VIT: variants seen among roughly 807,000 people sequenced by gnomAD.
VIT encodes vitrin.
A neutral mutation model predicts 78.0 loss-of-function variants in VIT; 99 were observed. The observed-to-expected ratio is 1.27, with a 90% CI of 1.08 to 1.50. The LOEUF (loss-of-function observed/expected upper bound fraction) is 1.50, where lower values mean the gene tolerates loss of function less well. VIT is among the 40% of genes most tolerant of loss of function. The probability of loss-of-function intolerance (pLI) is 0.00; values close to 1 mark genes in which losing one functional copy is unlikely to be tolerated. For synonymous variants in VIT, 374 were observed against 334.3 expected, an observed-to-expected ratio of 1.12 and a Z score of -1.29; for missense variants, 1,126 against 875.3, an observed-to-expected ratio of 1.29 and a Z score of -3.61.
chr2:36,758,238 A>G (rs560876461), intron 5 of VIT, among the ~76,000 whole-genome samples: 12 of 152,346 alleles, frequency 7.9e-5, no homozygotes, highest in Non-Finnish European at 1.6e-4. Context: ...AATTGCTTTG[A>G]GCTCTGAAAA....
At chr2:36,771,525 C>CAAAAAA (rs1228263784) in intron 7 of VIT, among the ~76,000 whole-genome samples, 7 of 65,842 alleles carry the variant, frequency 1.1e-4, no homozygotes, top group African/African-American at 3.4e-4. Flanking sequence ...GACTTCATCT[C>CAAAAAA]AAAAAAAAAA....
At position 36,767,237 on chromosome 2, in the gene VIT, A is replaced by T. The variant is rs1179027455; in HGVS notation, c.631A>T (p.Thr211Ser). ...GCCATCCCCTTCTGCTGCTTCTACCACCAGCATCCCCAGACCACAATCAGT... is the reference window on the plus strand; with the variant it reads ...GCCATCCCCTTCTGCTGCTTCTACCTCCAGCATCCCCAGACCACAATCAGT... The part of the protein sequence containing the change: ...PRPSPSAAST[T>S]SIPRPQSVGH... The change falls in exon 7 of 16, where the codon ACC becomes TCC. Residue 211 changes from threonine (T) to serine (S), a missense_variant. Coordinates refer to ENST00000379242, the MANE Select transcript of VIT (RefSeq NM_053276.4). 1.9e-6 allele frequency: 3 copies of T among 1,599,734 alleles called. No homozygotes were observed. The South Asian group carries it at 3.4e-5, about 18-fold the overall frequency.
intron 4 of VIT, among the ~76,000 whole-genome samples, chr2:36,751,535 C>T (rs1319155491): frequency 6.6e-6 from 1 of 152,158 alleles, no homozygotes; most frequent in Non-Finnish European, 1.5e-5. Context: ...AAAGTGAGGA[C>T]TCAAGCAAGG....
At chr2:36,740,401 A>T (rs1332881185) in intron 3 of VIT, among the ~76,000 whole-genome samples, 1 of 152,258 alleles carries the variant, frequency 6.6e-6, no homozygotes, top group Admixed American at 6.5e-5. Context: ...TGCCAGAAAG[A>T]TGCAAATGCC....
chr2:36,723,953 A>G (rs1370604256), intron 2 of VIT, among the ~76,000 whole-genome samples: 3 of 142,878 alleles, frequency 2.1e-5, no homozygotes, highest in Non-Finnish European at 4.6e-5. Context: ...AAAAGAAAGA[A>G]AAGAAAAGAA....
chr2:36,728,896 G>A (rs1441049409), intron 2 of VIT, among the ~76,000 whole-genome samples: 3 of 150,624 alleles, frequency 2.0e-5, no homozygotes, highest in Non-Finnish European at 3.0e-5. Flanking sequence ...TAAAATCTAC[G>A]GCTTTGTACA....
chr2:36,814,393 G>A lies in VIT; in HGVS notation c.*32G>A, dbSNP rs773289042. The A allele has an allele frequency of 6.2e-7, 1 of 1,610,462 alleles. No individual in the cohort carries two copies. The highest frequency in any genetic ancestry group is 8.5e-7 in the Non-Finnish European group (1 of 1,178,050). ...AGCAGGCAGAGCACCAGCAAGTGCT[G>A]CTTTACTAACTGACGTGTTGGACCA... On this transcript the variant is annotated 3_prime_UTR_variant, in exon 16 of 16. Coordinates refer to ENST00000379242, the MANE Select transcript of VIT (RefSeq NM_053276.4).
At chr2:36,740,609 C>G (rs953331127) in intron 3 of VIT, among the ~76,000 whole-genome samples, 1 of 152,018 alleles carries the variant, frequency 6.6e-6, no homozygotes, top group African/African-American at 2.4e-5. Context: ...ATTTTTTTCC[C>G]CCGTGGGACA....
chr2:36,782,663 T>G (rs1371598776), intron 10 of VIT, among the ~76,000 whole-genome samples: 1 of 152,148 alleles, frequency 6.6e-6, no homozygotes, highest in Non-Finnish European at 1.5e-5. Flanking sequence ...AATGGTATAT[T>G]TATGAACTTG....
intron 4 of VIT, among the ~76,000 whole-genome samples, chr2:36,747,927 C>A (rs759575181): frequency 5.8e-4 from 88 of 152,044 alleles, no homozygotes; most frequent in Non-Finnish European, 9.0e-4. Context: ...CCTTAAGGCC[C>A]TGTTGTATTA....
At position 36,773,788 on chromosome 2, in the gene VIT, C is replaced by T. The variant is rs781121042; in HGVS notation, c.680-3C>T. 1.2e-5 allele frequency: 19 copies of T among 1,592,372 alleles called. No individual in the cohort carries two copies. The highest frequency in any genetic ancestry group is 1.5e-5 in the Non-Finnish European group (17 of 1,167,346). On this transcript the variant is annotated splice_region_variant and splice_polypyrimidine_tract_variant and intron_variant, in intron 7 of 15. Coordinates refer to ENST00000379242, the MANE Select transcript of VIT (RefSeq NM_053276.4). The stretch of plus-strand genomic sequence containing the variant: ...TGCTCTGACCAGTCAAATGTCCTTA[C>T]AGATCTCTGGTCCACTGCCACCTAC...
At chr2:36,782,603 T>C (rs143615396) in intron 10 of VIT, among the ~76,000 whole-genome samples, 1 of 152,306 alleles carries the variant, frequency 6.6e-6, no homozygotes, top group African/African-American at 2.4e-5. Context: ...GGAAGCCCAT[T>C]CGTGTTACCA....
chr2:36,727,172 G>C (rs928845203), intron 2 of VIT, among the ~76,000 whole-genome samples: 2 of 151,832 alleles, frequency 1.3e-5, no homozygotes, highest in African/African-American at 4.8e-5. Context: ...CAGACATTGT[G>C]ATGAGTGTCC....
At chr2:36,703,342 C>A (rs1278881475) in intron 1 of VIT, among the ~76,000 whole-genome samples, 1 of 150,408 alleles carries the variant, frequency 6.6e-6, no homozygotes, top group Non-Finnish European at 1.5e-5. Flanking sequence ...GGCTCCCCTA[C>A]CCCCACCCCC....
intron 11 of VIT, among the ~76,000 whole-genome samples, chr2:36,786,808 C>T (rs1558571641): frequency 6.6e-6 from 1 of 152,230 alleles, no homozygotes; most frequent in African/African-American, 2.4e-5. Flanking sequence ...GGAGTCTGCA[C>T]TTACAAGATC....
rs528027090 is a variant in VIT, at chr2:36,753,404, A to G, written c.276-1517A>G. Among the ~76,000 whole-genome samples the G allele has an allele frequency of 5.3e-5, 8 of 152,362 alleles. 1 individual carries two copies. The South Asian group carries it at 1.7e-3, about 32-fold the overall frequency. On this transcript the variant is annotated intron_variant, in intron 4 of 15. Transcript: ENST00000379242. ...GAAAAAAAAATTGGCTCTCAAAAGC[A>G]GGTGTCCGCGGCACCTTCTCATGTG...
At position 36,714,841 on chromosome 2, in the gene VIT, T is replaced by C. The variant is rs935888013; in HGVS notation, c.-18-1512T>C. ...AAACCTACCATGGTGACGTATTGGG[T>C]GGATTCAAAACAATACAGAATGCAC... On this transcript the variant is annotated intron_variant, in intron 1 of 15. Coordinates refer to ENST00000379242, the MANE Select transcript of VIT (RefSeq NM_053276.4). 3.3e-5 allele frequency among the ~76,000 whole-genome samples: 5 copies of C among 152,166 alleles called. No individual in the cohort carries two copies. The East Asian group carries it at 7.7e-4, about 23-fold the overall frequency.
chr2:36,715,232 G>C (rs1666052672), intron 1 of VIT, among the ~76,000 whole-genome samples: 1 of 152,082 alleles, frequency 6.6e-6, no homozygotes, highest in Non-Finnish European at 1.5e-5. Flanking sequence ...CAGGTGATGA[G>C]TAAACACATT....
chr2:36,780,122 C>T (rs1664643370), intron 9 of VIT, among the ~76,000 whole-genome samples: 1 of 152,234 alleles, frequency 6.6e-6, no homozygotes, highest in Non-Finnish European at 1.5e-5. Flanking sequence ...AAATATTTTT[C>T]AGCCTTTGGC....
Sources: gnomAD v4.1 joint callset for allele counts (sites outside exome capture counted in the v4.1 genomes callset) on GRCh38, gnomAD v4.1.1 for gene constraint, MANE v1.5 for transcripts, NCBI Gene and HGNC (gene_info 2026-07-23, HGNC 2026-07-21) for gene names.